EDN3: variants seen among roughly 807,000 people sequenced by gnomAD.
EDN3 encodes endothelin 3.
EDN3 carries 9 observed loss-of-function variants against 21.4 expected under a neutral mutation model. The ratio of observed to expected loss-of-function variants is 0.42; its 90% CI spans 0.25 to 0.73. The LOEUF is 0.73. Among genes scored for constraint, EDN3 ranks in the 30% least tolerant of loss-of-function variants. The probability of loss-of-function intolerance (pLI) is 0.26; values close to 1 mark genes in which losing one functional copy is unlikely to be tolerated. For missense variants in EDN3, 327 were observed against 309.4 expected, an observed-to-expected ratio of 1.06 and a Z score of -0.43; for synonymous variants, 133 against 126.2, an observed-to-expected ratio of 1.05 and a Z score of -0.36.
rs893973879 is a variant in EDN3, at chr20:59,305,585, T to C, written c.365+3863T>C. Among the ~76,000 whole-genome samples, 3 of 152,236 alleles carry C rather than the reference T, an allele frequency of 2.0e-5. No homozygotes were observed. Among genetic ancestry groups the C allele is most frequent in the African/African-American group, 7.2e-5 (3 of 41,466 alleles). On this transcript the variant is annotated intron_variant, in intron 2 of 4. Coordinates refer to ENST00000337938, the MANE Select transcript of EDN3 (RefSeq NM_207034.3). The surrounding 1 kb of genome is among the most constrained non-coding windows in gnomAD (Gnocchi z 4.2). ...TTTTATGGAGGATAAACAGAAGTTA[T>C]GGGCAATGTCCCTCCAGAGATATAT...
At chr20:59,320,678 C>T (rs543463617) in intron 2 of EDN3, among the ~76,000 whole-genome samples, 24 of 152,356 alleles carry the variant, frequency 1.6e-4, no homozygotes, top group African/African-American at 5.8e-4. Context: ...GCCACACCTG[C>T]AGCTGGTGCC....
At chr20:59,318,567 C>T (rs931716962) in intron 2 of EDN3, among the ~76,000 whole-genome samples, 2 of 152,186 alleles carry the variant, frequency 1.3e-5, no homozygotes, top group African/African-American at 2.4e-5. Flanking sequence ...CCGCACGGGT[C>T]GGTCAGCAGA....
At position 59,324,610 on chromosome 20, in the gene EDN3, C is replaced by A. The variant is rs918012816; in HGVS notation, c.*151C>A. The A allele has an allele frequency of 2.9e-6, 3 of 1,039,504 alleles. No individual in the cohort carries two copies. The highest frequency in any genetic ancestry group is 4.2e-6 in the Non-Finnish European group (3 of 708,232). 64.4% of individuals were successfully genotyped at this position (1,039,504 alleles called of 1,614,324 possible). A position where few individuals can be genotyped will look rare whatever the true frequency, so the allele number is the denominator to read the frequency against. ...CCCACTTAACAATACCCCCCCCCCA[C>A]GGCAAGAATGCCCAAATCCGAATGA... is the stretch of plus-strand genomic sequence containing the variant. On this transcript the variant is annotated 3_prime_UTR_variant, in exon 5 of 5. Coordinates refer to ENST00000337938, the MANE Select transcript of EDN3 (RefSeq NM_207034.3).
At chr20:59,312,231 T>G (rs1989875819) in intron 2 of EDN3, among the ~76,000 whole-genome samples, 2 of 152,144 alleles carry the variant, frequency 1.3e-5, no homozygotes, top group Non-Finnish European at 2.9e-5. Flanking sequence ...GAAGGGTCAC[T>G]GGGGGCTGGG....
chr20:59,310,753 C>T (rs1310414001), intron 2 of EDN3, among the ~76,000 whole-genome samples: 2 of 152,192 alleles, frequency 1.3e-5, no homozygotes, highest in Admixed American at 1.3e-4. Context: ...GCATTGATGA[C>T]AAAAGTACCG....
At chr20:59,314,620 G>A (rs11570313) in intron 2 of EDN3, among the ~76,000 whole-genome samples, 91 of 152,214 alleles carry the variant, frequency 6.0e-4, no homozygotes, top group African/African-American at 1.6e-3. Flanking sequence ...GAGAGAGTGG[G>A]TCCTATTGGC....
In EDN3 at chr20:59,324,502, A is replaced by C. The variant is rs567494206; in HGVS notation, c.*43A>C. On this transcript the variant is annotated 3_prime_UTR_variant, in exon 5 of 5. Coordinates refer to ENST00000337938, the MANE Select transcript of EDN3 (RefSeq NM_207034.3). ...ATCCTGGTCTCGGGAGGCTTCTGTC[A>C]TTGCTCACACACAGTTCAGATTTCC... is the stretch of plus-strand genomic sequence containing the variant. 2 of 1,613,426 alleles carry C rather than the reference A, an allele frequency of 1.2e-6. No homozygotes were observed. The highest frequency in any genetic ancestry group is 1.7e-6 in the Non-Finnish European group (2 of 1,179,762).
chr20:59,320,943 C>A, intron 2 of EDN3, 74 bp from the exon 3 acceptor site: 1 of 1,538,154 alleles, frequency 6.5e-7, no homozygotes, highest in Non-Finnish European at 9.0e-7. Flanking sequence ...CGGTGGTTCT[C>A]GCTCCACACC....
intron 4 of EDN3, among the ~76,000 whole-genome samples, chr20:59,323,249 G>A (rs1990657122): frequency 6.6e-6 from 1 of 152,122 alleles, no homozygotes. Context: ...GAGGGCCGAG[G>A]CGGAAGAGAC....
chr20:59,303,416 T>C (rs1337273772), intron 2 of EDN3, among the ~76,000 whole-genome samples: 1 of 152,228 alleles, frequency 6.6e-6, no homozygotes, highest in Non-Finnish European at 1.5e-5. Context: ...ATCATTGTGC[T>C]CTGATCAAAT....
intron 2 of EDN3, among the ~76,000 whole-genome samples, chr20:59,304,156 G>A (rs777483121): frequency 4.0e-5 from 6 of 148,846 alleles, no homozygotes; most frequent in Non-Finnish European, 5.9e-5. Context: ...CTCTGTAGAT[G>A]TGTAGATAGG....
Position 59,300,773 on chromosome 20 carries a change from C to T in EDN3, c.-40C>T, listed in dbSNP as rs781752092. ...GTGCCCTTTCGCGGCCACAAGCGGC[C>T]GTCCTCCTGGTCCGGTGCTCCGGCG... On this transcript the variant is annotated 5_prime_UTR_variant, in exon 1 of 5. Transcript: ENST00000337938. 1.9e-5 allele frequency: 30 copies of T among 1,596,586 alleles called. No homozygotes were observed. Among genetic ancestry groups the T allele is most frequent in the Non-Finnish European group, 2.2e-5 (26 of 1,173,200 alleles).
intron 2 of EDN3, 139 bp downstream of exon 2, chr20:59,301,861 G>T: frequency 9.8e-7 from 1 of 1,021,022 alleles, no homozygotes; most frequent in Non-Finnish European, 1.5e-6. Context: ...GCTCTTGCTG[G>T]GGCCTCTTGC....
chr20:59,325,969 TA>T lies in EDN3; in HGVS notation c.*1516del, dbSNP rs1348298631. On this transcript the variant is annotated 3_prime_UTR_variant, in exon 5 of 5. Transcript: ENST00000337938. ...TCAGAAAGTACTGTCAAAAGCCTAA[TA>T]AAAAACCTAAAGTTTGCTCTGATTT... is the stretch of plus-strand genomic sequence containing the variant. 1 of 152,178 alleles carries T rather than the reference TA, an allele frequency of 6.6e-6. No individual in the cohort carries two copies. Among genetic ancestry groups the T allele is most frequent in the Non-Finnish European group, 1.5e-5 (1 of 68,030 alleles). 9.4% of individuals were successfully genotyped at this position (152,178 alleles called of 1,614,324 possible). A position where few individuals can be genotyped will look rare whatever the true frequency, so the allele number is the denominator to read the frequency against.
chr20:59,324,354 C>G lies in EDN3; in HGVS notation c.612C>G (p.Ser204Arg), dbSNP rs1346919184. 1 of 1,614,140 alleles carries G rather than the reference C, an allele frequency of 6.2e-7. No homozygotes were observed. Among genetic ancestry groups the G allele is most frequent in the Non-Finnish European group, 8.5e-7 (1 of 1,180,018 alleles). Residue 204 changes from serine to arginine, a missense_variant, in exon 5 of 5, where the codon AGC becomes AGG. Physicochemically the swap from Ser to Arg is moderately radical, Grantham distance 110. Coordinates refer to ENST00000337938, the MANE Select transcript of EDN3 (RefSeq NM_207034.3). Reference protein sequence around the residue: ...EGKVEVKDQQSKQALDLHHPK... With the variant: ...EGKVEVKDQQRKQALDLHHPK... Reference sequence around the variant, plus strand: ...AGGTTGAAGTCAAGGACCAACAAAGCAAGCAGGCTTTAGACCTCCACCATC... The same window carrying G: ...AGGTTGAAGTCAAGGACCAACAAAGGAAGCAGGCTTTAGACCTCCACCATC...
intron 2 of EDN3, among the ~76,000 whole-genome samples, chr20:59,310,591 G>T (rs1487711038): frequency 6.6e-6 from 1 of 152,132 alleles, no homozygotes; most frequent in Non-Finnish European, 1.5e-5. Flanking sequence ...ACATTCACAG[G>T]CTTGGAAGCA....
Position 59,324,719 on chromosome 20 carries a change from G to GT in EDN3, c.*264dup. 1 of 526,582 alleles carries GT rather than the reference G, an allele frequency of 1.9e-6. No individual in the cohort carries two copies. The highest frequency in any genetic ancestry group is 3.4e-6 in the Non-Finnish European group (1 of 292,460). 32.6% of individuals were successfully genotyped at this position (526,582 alleles called of 1,614,324 possible). A position where few individuals can be genotyped will look rare whatever the true frequency, so the allele number is the denominator to read the frequency against. On this transcript the variant is annotated 3_prime_UTR_variant, in exon 5 of 5. Coordinates refer to ENST00000337938, the MANE Select transcript of EDN3 (RefSeq NM_207034.3). ...AGCTCCGGTTTCATGCAGGAAATTG[G>GT]TTTTGGAGAGTTTTGGCAAGTTGGA...
chr20:59,321,121 T>TG lies in EDN3; in HGVS notation c.471dup (p.Arg158AlafsTer9). On this transcript the variant is annotated frameshift_variant, in exon 3 of 5. Coordinates refer to ENST00000337938, the MANE Select transcript of EDN3 (RefSeq NM_207034.3). LOFTEE classifies it high-confidence loss of function. ...CTGCAGCTCTCACATCGGCCACACT[T>TG]GCGCTGCGCTTGTGTGGGGAGATAT... 6.2e-7 allele frequency: 1 copy of TG among 1,614,168 alleles called. No individual in the cohort carries two copies. The highest frequency in any genetic ancestry group is 8.5e-7 in the Non-Finnish European group (1 of 1,180,014).
Position 59,324,311 on chromosome 20 carries a change from G to A in EDN3, c.589-20G>A, listed in dbSNP as rs542985516. ...ACATACCTTTCTTTTTTTTTCTTTTGCCCCCTTTCCCCAAGACAGGTTGAA... is the reference window on the plus strand; with the variant it reads ...ACATACCTTTCTTTTTTTTTCTTTTACCCCCTTTCCCCAAGACAGGTTGAA... On this transcript the variant is annotated intron_variant, in intron 4 of 4. Transcript: ENST00000337938. 1.2e-6 allele frequency: 2 copies of A among 1,600,646 alleles called. No homozygotes were observed. Among genetic ancestry groups the A allele is most frequent in the African/African-American group, 1.4e-5 (1 of 73,240 alleles).
Sources: allele counts gnomAD v4.1 joint callset (sites outside exome capture counted in the v4.1 genomes callset), GRCh38; gene constraint gnomAD v4.1.1; non-coding constraint Gnocchi (gnomAD v3.1); transcripts MANE v1.5; gene names NCBI Gene and HGNC (gene_info 2026-07-23, HGNC 2026-07-21).